The following TADA2A variants were observed in gnomAD, a reference collection of about 807,000 sequenced individuals.
TADA2A encodes transcriptional adapter 2-alpha.
TADA2A carries 38 observed loss-of-function variants against 67.4 expected under a neutral mutation model. The ratio of observed to expected loss-of-function variants is 0.56; its 90% CI spans 0.44 to 0.74. The LOEUF (loss-of-function observed/expected upper bound fraction) is 0.74. Ranked by LOEUF, TADA2A falls within the 30% of genes least tolerant of loss-of-function variation. TADA2A has a pLI of 0.00. For synonymous variants in TADA2A, 192 were observed against 181.6 expected (o/e 1.06, Z -0.46); for missense variants, 454 against 547.0 (o/e 0.83, Z 1.70).
At chr17:37,409,242 C>A (rs1205758818) in intron 1 of TADA2A, among the ~76,000 whole-genome samples, 1 of 151,938 alleles carries the variant, frequency 6.6e-6, no homozygotes, top group Non-Finnish European at 1.5e-5. Flanking sequence ...CCCGCCACCA[C>A]GCCAAGCAAA....
At chr17:37,457,723 T>C (rs1476228160) in intron 8 of TADA2A, among the ~76,000 whole-genome samples, 1 of 151,746 alleles carries the variant, frequency 6.6e-6, no homozygotes, top group Non-Finnish European at 1.5e-5. Context: ...CTTGAACTCC[T>C]GACCTCAGGT....
At chr17:37,414,971 C>T (rs2051995532) in intron 2 of TADA2A, among the ~76,000 whole-genome samples, 1 of 151,814 alleles carries the variant, frequency 6.6e-6, no homozygotes, top group African/African-American at 2.4e-5. Context: ...CAGCTTACTG[C>T]AGTCTCCACC....
At chr17:37,460,951 A>T (rs1441052290) in intron 9 of TADA2A, among the ~76,000 whole-genome samples, 2 of 151,954 alleles carry the variant, frequency 1.3e-5, no homozygotes, top group African/African-American at 2.4e-5. Flanking sequence ...GCAACCTAGG[A>T]AAACCCCATC....
At chr17:37,454,655 A>G in intron 8 of TADA2A, 1 of 260,178 alleles carries the variant, frequency 3.8e-6, no homozygotes, top group South Asian at 5.1e-5. Flanking sequence ...AGAAAGCATA[A>G]AAAAGGGACA....
chr17:37,479,684 TTCTC>T lies in TADA2A; in HGVS notation c.*2706_*2709del, dbSNP rs982302334. The T allele has an allele frequency of 2.6e-5, 4 of 152,336 alleles. No individual in the cohort carries two copies. In the East Asian group the frequency reaches 5.8e-4, roughly 22 times the overall value. The allele number at this position is 152,336 out of a possible 1,614,324, so 9.4% of individuals were successfully genotyped here. A position where few individuals can be genotyped will look rare whatever the true frequency, so the allele number is the denominator to read the frequency against. The stretch of plus-strand genomic sequence containing the variant: ...TTCTGCTGGAGTTTTATGCATATTT[TTCTC>T]TCTAAGTGGTGGGAAATAAAGAACA... On this transcript the variant is annotated 3_prime_UTR_variant, in exon 16 of 16. Transcript: ENST00000615182.
intron 4 of TADA2A, among the ~76,000 whole-genome samples, chr17:37,434,490 G>A (rs1352902542): frequency 1.3e-5 from 2 of 152,136 alleles, no homozygotes; most frequent in Non-Finnish European, 2.9e-5. Flanking sequence ...TTAAAAGCTG[G>A]ATTGTTTGTC....
In TADA2A at chr17:37,419,631, T is replaced by C. The variant is rs373082014; in HGVS notation, c.26-3878T>C. On this transcript the variant is annotated intron_variant, in intron 2 of 15. Transcript: ENST00000615182. ...CCCCCTCTACTAAAAGTACAAAATT[T>C]AGCTGGGTGTAGTGCACATACATGT... 1.1e-4 allele frequency among the ~76,000 whole-genome samples: 16 copies of C among 145,840 alleles called. 1 individual carries two copies. The highest frequency in any genetic ancestry group is 4.0e-4 in the African/African-American group (16 of 40,388).
chr17:37,446,225 A>G (rs1382745315), intron 8 of TADA2A, among the ~76,000 whole-genome samples: 2 of 152,114 alleles, frequency 1.3e-5, no homozygotes, highest in South Asian at 2.1e-4. Context: ...CTTTAGCATT[A>G]ACTAAATCCA....
chr17:37,476,115 T>C (rs754743269), intron 15 of TADA2A, among the ~76,000 whole-genome samples: 1 of 152,210 alleles, frequency 6.6e-6, no homozygotes, highest in Non-Finnish European at 1.5e-5. Context: ...ATGTATGTAG[T>C]ATCTATGTAT....
At chr17:37,442,748 G>T in intron 7 of TADA2A, 96 bp downstream of exon 7, 1 of 1,171,624 alleles carries the variant, frequency 8.5e-7, no homozygotes, top group Admixed American at 2.5e-5. Flanking sequence ...CCACTAAAAG[G>T]AGATTTTTCA....
At position 37,477,134 on chromosome 17, in the gene TADA2A, A is replaced by G. The variant is rs762030279; in HGVS notation, c.*152A>G. ...AAGGAAACCTTAAGTTGTATTGTCT[A>G]CTTTCTTCTCCATCCTGCTTTAAAA... is the stretch of plus-strand genomic sequence containing the variant. On this transcript the variant is annotated 3_prime_UTR_variant, in exon 16 of 16. Transcript: ENST00000615182. The G allele has an allele frequency of 4.0e-6, 3 of 749,880 alleles. No individual in the cohort carries two copies. The highest frequency in any genetic ancestry group is 2.1e-5 in the South Asian group (1 of 46,606). The allele number at this position is 749,880 out of a possible 1,614,324, so 46.5% of individuals were successfully genotyped here.
At chr17:37,451,302 G>A (rs2053226320) in intron 8 of TADA2A, among the ~76,000 whole-genome samples, 2 of 150,758 alleles carry the variant, frequency 1.3e-5, no homozygotes, top group Non-Finnish European at 2.9e-5. Flanking sequence ...CAAAGTCTGG[G>A]ATTACAGGTT....
chr17:37,455,324 A>G (rs1282805621), intron 8 of TADA2A, among the ~76,000 whole-genome samples: 1 of 146,024 alleles, frequency 6.8e-6, no homozygotes, highest in Non-Finnish European at 1.5e-5. Flanking sequence ...TAAAAAAAAA[A>G]AAAAAACCTG....
At chr17:37,440,445 G>A (rs2052879314) in intron 5 of TADA2A, 60 bp from the exon 6 acceptor site, 1 of 1,566,334 alleles carries the variant, frequency 6.4e-7, no homozygotes, top group Non-Finnish European at 8.7e-7. Context: ...AGCAAATGAT[G>A]CTTTTAGTAT....
chr17:37,439,925 TATTTATTTATTTATTTATTA>T (rs2052849231), intron 5 of TADA2A, among the ~76,000 whole-genome samples: 5 of 101,864 alleles, frequency 4.9e-5, no homozygotes, highest in African/African-American at 2.1e-4. Context: ...TTTATTTATT[TATTTATTTATTTATTTATTA>T]TTTTTTTTTT....
At chr17:37,415,295 C>T (rs549406661) in intron 2 of TADA2A, among the ~76,000 whole-genome samples, 1 of 152,238 alleles carries the variant, frequency 6.6e-6, no homozygotes, top group South Asian at 2.1e-4. Context: ...TTAATAGTAT[C>T]TCCTGGAAAT....
chr17:37,436,913 A>G (rs1156556931), intron 4 of TADA2A, among the ~76,000 whole-genome samples: 1 of 151,676 alleles, frequency 6.6e-6, no homozygotes, highest in African/African-American at 2.4e-5. Context: ...TTAAAAATAT[A>G]TGTATATCTG....
At chr17:37,429,005 C>T (rs2052491017) in intron 4 of TADA2A, among the ~76,000 whole-genome samples, 1 of 144,294 alleles carries the variant, frequency 6.9e-6, no homozygotes, top group Non-Finnish European at 1.5e-5. Context: ...AAGATTGTGC[C>T]ACTGCACTCC....
At chr17:37,433,153 A>G (rs1188987532) in intron 4 of TADA2A, among the ~76,000 whole-genome samples, 7 of 151,488 alleles carry the variant, frequency 4.6e-5, no homozygotes, top group Non-Finnish European at 8.8e-5. Context: ...GAGTTTTGCC[A>G]TGTTGTCCAG....
Sources: gnomAD v4.1 joint callset for allele counts (sites outside exome capture counted in the v4.1 genomes callset) on GRCh38, gnomAD v4.1.1 for gene constraint, MANE v1.5 for transcripts, NCBI Gene and HGNC (gene_info 2026-07-23, HGNC 2026-07-21) for gene names.